Variants in CCDC7 observed in about 807,000 individuals in gnomAD.
CCDC7 encodes the protein coiled-coil domain containing 7, also known as coiled-coil domain-containing protein 7.
Under a neutral mutation model 196.9 loss-of-function variants are expected in CCDC7, and 183 were observed. The observed-to-expected ratio is 0.93, with a 90% confidence interval of 0.82 to 1.05. The LOEUF (loss-of-function observed/expected upper bound fraction) is 1.05. CCDC7 is among the 50% of genes least tolerant of loss of function. CCDC7 has a pLI of 0.00. For synonymous variants in CCDC7, 525 were observed against 484.6 expected, an observed-to-expected ratio of 1.08 and a Z score of -1.10; for missense variants, 1,540 against 1,482.2, an observed-to-expected ratio of 1.04 and a Z score of -0.64.
intron 16 of CCDC7, among the ~76,000 whole-genome samples, chr10:32,581,198 A>G (rs923918197): frequency 2.0e-5 from 3 of 152,160 alleles, no homozygotes; most frequent in Admixed American, 6.5e-5. Flanking sequence ...TAATTAGACT[A>G]TTATACGGTA....
chr10:32,712,794 G>A (rs978639732), intron 25 of CCDC7, among the ~76,000 whole-genome samples: 1 of 152,142 alleles, frequency 6.6e-6, no homozygotes, highest in Non-Finnish European at 1.5e-5. Flanking sequence ...ACAATGTCAG[G>A]TTACCATTGG....
intron 28 of CCDC7, among the ~76,000 whole-genome samples, chr10:32,744,121 A>G (rs1478115504): frequency 6.6e-6 from 1 of 150,730 alleles, no homozygotes; most frequent in Non-Finnish European, 1.5e-5. Flanking sequence ...CATGTATCCT[A>G]GAACTTAAAG....
chr10:32,455,581 T>A (rs2133450801), intron 2 of CCDC7, among the ~76,000 whole-genome samples: 1 of 152,270 alleles, frequency 6.6e-6, no homozygotes, highest in Non-Finnish European at 1.5e-5. Context: ...CCTCCCAAAG[T>A]GCTAGGATTA....
At position 32,725,880 on chromosome 10, in the gene CCDC7, T is replaced by C. The variant is rs534819355; in HGVS notation, c.2570-854T>C. 1.4e-3 allele frequency among the ~76,000 whole-genome samples: 217 copies of C among 152,256 alleles called. 1 individual carries two copies. Among genetic ancestry groups the C allele is most frequent in the African/African-American group, 5.0e-3 (207 of 41,560 alleles). On this transcript the variant is annotated intron_variant, in intron 25 of 41. Coordinates refer to ENST00000639629, the Ensembl canonical transcript of CCDC7. Reference sequence around the variant, plus strand: ...CAACCTTAGGGATCACATTTCAACATGAGATTTGGAGGGGACTCATGTCCA... The same window carrying C: ...CAACCTTAGGGATCACATTTCAACACGAGATTTGGAGGGGACTCATGTCCA...
chr10:32,627,109 A>G (rs112871517), intron 18 of CCDC7, among the ~76,000 whole-genome samples: 24 of 151,636 alleles, frequency 1.6e-4, no homozygotes, highest in African/African-American at 5.8e-4. Flanking sequence ...GAATTTTAAT[A>G]GGATTGCGTT....
chr10:32,462,937 A>G (rs2036032330), intron 4 of CCDC7, 80 bp from the exon 6 acceptor site: 3 of 1,580,736 alleles, frequency 1.9e-6, no homozygotes, highest in Non-Finnish European at 2.6e-6. Flanking sequence ...ACAGACACAC[A>G]TTTATATAGA....
At chr10:32,712,097 A>C (rs1205296169) in intron 25 of CCDC7, among the ~76,000 whole-genome samples, 1 of 152,130 alleles carries the variant, frequency 6.6e-6, no homozygotes, top group East Asian at 1.9e-4. Context: ...TAACTGAAGC[A>C]ACAAATGGAA....
chr10:32,576,702 C>T (rs925516880), intron 16 of CCDC7, among the ~76,000 whole-genome samples: 5 of 152,074 alleles, frequency 3.3e-5, no homozygotes, highest in African/African-American at 7.2e-5. Context: ...AGGCATGCAT[C>T]ACCATGCCCA....
rs758839717 is a variant in CCDC7 at position 32,834,831 on chromosome 10, C to T, written c.3285C>T (p.His1095=). The stretch of plus-strand genomic sequence containing the variant: ...TTTTTATAGAGACTGTCTTAAAACA[C>T]TTGAAAGGTGTTAATGGAAAAGATA... Residue 1095 remains histidine, a synonymous_variant, in exon 33 of 42, where the codon CAC becomes CAT. Transcript: ENST00000639629. 7 of 1,442,458 alleles carry T rather than the reference C, an allele frequency of 4.9e-6. No homozygotes were observed. The South Asian group carries it at 8.1e-5, about 17-fold the overall frequency. The allele number at this position is 1,442,458 out of a possible 1,614,324, so 89.4% of individuals were successfully genotyped here. A position where few individuals can be genotyped will look rare whatever the true frequency, so the allele number is the denominator to read the frequency against.
Position 32,542,633 on chromosome 10 carries a change from C to A in CCDC7, c.994-667C>A, listed in dbSNP as rs1382784797. 3.7e-3 allele frequency among the ~76,000 whole-genome samples: 323 copies of A among 87,808 alleles called. 3 individuals are homozygous for A. The highest frequency in any genetic ancestry group is 5.6e-3 in the East Asian group (16 of 2,846). 57.6% of individuals were successfully genotyped at this position (87,808 alleles called of 152,430 possible). A position where few individuals can be genotyped will look rare whatever the true frequency, so the allele number is the denominator to read the frequency against. On this transcript the variant is annotated intron_variant, in intron 11 of 41. Transcript: ENST00000639629. ...GGACAACAGAGTGAGACTCCCATCT[C>A]AAAAAAAAAAAAAAAAAAAAGCAGA...
chr10:32,451,747 A>G (rs1482018900), exon 1 of CCDC7: 5 of 1,614,086 alleles, frequency 3.1e-6, no homozygotes, highest in Admixed American at 3.3e-5. Flanking sequence ...CACCTGAGCT[A>G]AAGGAAAAAC....
At chr10:32,641,813 C>T (rs985071891) in intron 20 of CCDC7, among the ~76,000 whole-genome samples, 27 of 152,220 alleles carry the variant, frequency 1.8e-4, no homozygotes, top group East Asian at 9.6e-4. Flanking sequence ...ATGATGGTGA[C>T]GAACAGATGG....
At chr10:32,614,353 C>T (rs932202435) in intron 18 of CCDC7, among the ~76,000 whole-genome samples, 10 of 150,946 alleles carry the variant, frequency 6.6e-5, no homozygotes, top group Non-Finnish European at 1.0e-4. Context: ...TAGGCTAATA[C>T]GTCTCCTGAA....
chr10:32,668,895 C>T (rs1212301913), intron 21 of CCDC7, among the ~76,000 whole-genome samples: 1 of 151,994 alleles, frequency 6.6e-6, no homozygotes, highest in Non-Finnish European at 1.5e-5. Flanking sequence ...GTTTCTTTTT[C>T]TTTCATAATT....
At chr10:32,669,146 A>G (rs1020081323) in intron 21 of CCDC7, among the ~76,000 whole-genome samples, 25 of 152,072 alleles carry the variant, frequency 1.6e-4, no homozygotes, top group African/African-American at 5.8e-4. Context: ...TTCTGCATCT[A>G]TTGAGATTAT....
At chr10:32,745,084 G>A (rs540269621) in intron 28 of CCDC7, among the ~76,000 whole-genome samples, 26 of 152,240 alleles carry the variant, frequency 1.7e-4, no homozygotes, top group Admixed American at 8.5e-4. Flanking sequence ...TATTCCTTTC[G>A]TCATCAAATT....
intron 41 of CCDC7, among the ~76,000 whole-genome samples, chr10:32,863,438 T>C (rs952693760): frequency 6.6e-6 from 1 of 151,998 alleles, no homozygotes; most frequent in African/African-American, 2.4e-5. Context: ...CTGTCACCTT[T>C]AACTCCTGGG....
At chr10:32,625,372 T>A (rs1279731138) in intron 18 of CCDC7, among the ~76,000 whole-genome samples, 4 of 151,778 alleles carry the variant, frequency 2.6e-5, no homozygotes, top group Non-Finnish European at 5.9e-5. Context: ...TGTGTCTGTT[T>A]TATTATTATT....
At chr10:32,591,813 C>T (rs1441995119) in intron 18 of CCDC7, among the ~76,000 whole-genome samples, 2 of 152,084 alleles carry the variant, frequency 1.3e-5, no homozygotes, top group Non-Finnish European at 1.5e-5. Context: ...TTCAGGGCAG[C>T]GGGCTCCCAT....
Sources: gnomAD v4.1 joint callset for allele counts (sites outside exome capture counted in the v4.1 genomes callset) on GRCh38, gnomAD v4.1.1 for gene constraint, MANE v1.5 for transcripts, NCBI Gene and HGNC (gene_info 2026-07-23, HGNC 2026-07-21) for gene names.